CKAP5: variants seen among roughly 807,000 people sequenced by gnomAD.
CKAP5 encodes cytoskeleton-associated protein 5.
A neutral mutation model predicts 232.8 loss-of-function variants in CKAP5; 27 were observed. That is an observed-to-expected ratio of 0.12 (90% CI 0.09 to 0.16). The LOEUF is 0.16. Among genes scored for constraint, CKAP5 ranks in the 10% least tolerant of loss-of-function variants. CKAP5 has a pLI of 1.00. For missense variants in CKAP5, 1,838 were observed against 2,424.7 expected, an observed-to-expected ratio of 0.76 and a Z score of 5.08; for synonymous variants, 785 against 841.1, an observed-to-expected ratio of 0.93 and a Z score of 1.16.
At position 46,751,337 on chromosome 11, in the gene CKAP5, C is replaced by T; in HGVS notation, c.5322+9G>A. On this transcript the variant is annotated intron_variant, in intron 39 of 43. Coordinates refer to ENST00000529230, the MANE Select transcript of CKAP5 (RefSeq NM_001008938.4). ...GCTCCCTCAGAGACCAGTTGCGATT[C>T]TTACTCACCTTGGGCCCTTTTAATT... 1.2e-6 allele frequency: 2 copies of T among 1,613,800 alleles called. No individual in the cohort carries two copies. Among genetic ancestry groups the T allele is most frequent in the Non-Finnish European group, 1.7e-6 (2 of 1,179,786 alleles).
intron 4 of CKAP5, among the ~76,000 whole-genome samples, chr11:46,815,369 A>G (rs569755813): frequency 6.6e-6 from 1 of 152,214 alleles, no homozygotes; most frequent in East Asian, 1.9e-4. Context: ...TTTTTTAAAG[A>G]GACAGGGTCT....
At chr11:46,835,095 CTTCT>C (rs753680166) in intron 1 of CKAP5, among the ~76,000 whole-genome samples, 10 of 152,020 alleles carry the variant, frequency 6.6e-5, no homozygotes, top group African/African-American at 1.9e-4. Flanking sequence ...GTAGCAGTGC[CTTCT>C]TTCTAATTTA....
intron 1 of CKAP5, among the ~76,000 whole-genome samples, chr11:46,843,728 G>T (rs1268695629): frequency 9.3e-6 from 1 of 107,548 alleles, no homozygotes; most frequent in Non-Finnish European, 1.9e-5. Context: ...AGATCTGATT[G>T]AAAAAAAAAA....
At chr11:46,756,052 G>C (rs1391009848) in intron 35 of CKAP5, among the ~76,000 whole-genome samples, 1 of 152,198 alleles carries the variant, frequency 6.6e-6, no homozygotes. Flanking sequence ...GGCTCAGAAA[G>C]ATCAGACTAC....
At chr11:46,830,934 G>A (rs1183175331) in intron 1 of CKAP5, among the ~76,000 whole-genome samples, 3 of 151,602 alleles carry the variant, frequency 2.0e-5, no homozygotes, top group Non-Finnish European at 4.4e-5. Context: ...GCATGGTGGC[G>A]GGTGCCTGTA....
At chr11:46,830,435 C>G (rs564604809) in intron 1 of CKAP5, among the ~76,000 whole-genome samples, 13 of 91,540 alleles carry the variant, frequency 1.4e-4, no homozygotes, top group African/African-American at 5.5e-4. Context: ...AGCAAGACTC[C>G]GTCTCAAAAA....
intron 1 of CKAP5, among the ~76,000 whole-genome samples, chr11:46,829,838 A>T (rs186022778): frequency 7.0e-6 from 1 of 143,032 alleles, no homozygotes. Flanking sequence ...CCTTTTTTGT[A>T]TGTGTGTGTG....
chr11:46,786,272 C>A (rs1279198369), intron 16 of CKAP5, among the ~76,000 whole-genome samples: 1 of 152,200 alleles, frequency 6.6e-6, no homozygotes, highest in African/African-American at 2.4e-5. Flanking sequence ...CTCCCCTTTT[C>A]TTCCAGCTCC....
At chr11:46,772,076 C>T (rs1453930012) in intron 24 of CKAP5, among the ~76,000 whole-genome samples, 1 of 149,738 alleles carries the variant, frequency 6.7e-6, no homozygotes, top group African/African-American at 2.5e-5. Context: ...TCTTGTCACC[C>T]AGGCTGGAGT....
intron 1 of CKAP5, among the ~76,000 whole-genome samples, chr11:46,841,672 C>T (rs1940057148): frequency 6.6e-6 from 1 of 152,126 alleles, no homozygotes. Context: ...AGTTGGTTCA[C>T]AGGATGCACA....
At chr11:46,775,311 T>C (rs1256263599) in intron 24 of CKAP5, among the ~76,000 whole-genome samples, 1 of 151,902 alleles carries the variant, frequency 6.6e-6, no homozygotes, top group Non-Finnish European at 1.5e-5. Flanking sequence ...AGAATGGCGA[T>C]CATTAAAACA....
rs549140415 is a variant in CKAP5 at position 46,774,428 on chromosome 11, G to A, written c.2991+1827C>T. 8.5e-5 allele frequency among the ~76,000 whole-genome samples: 13 copies of A among 152,300 alleles called. No individual in the cohort carries two copies. In the South Asian group the frequency reaches 2.5e-3, roughly 29 times the overall value. ...GCCATACTGCCTGAAGTAATTTATA[G>A]ATTCAGTGCTATTCCCATCAAGCTA... is the stretch of plus-strand genomic sequence containing the variant. On this transcript the variant is annotated intron_variant, in intron 24 of 43. Coordinates refer to ENST00000529230, the MANE Select transcript of CKAP5 (RefSeq NM_001008938.4).
intron 16 of CKAP5, among the ~76,000 whole-genome samples, chr11:46,788,402 G>A (rs1208146695): frequency 2.0e-5 from 3 of 152,022 alleles, no homozygotes; most frequent in South Asian, 4.1e-4. Context: ...TAGAGAAACC[G>A]CGTCTCTACT....
intron 1 of CKAP5, among the ~76,000 whole-genome samples, chr11:46,838,162 T>C (rs1194860879): frequency 6.6e-6 from 1 of 152,156 alleles, no homozygotes; most frequent in Non-Finnish European, 1.5e-5. Flanking sequence ...GAGAAAAACA[T>C]CAGACAAATT....
At chr11:46,815,713 A>G (rs1053260491) in intron 4 of CKAP5, among the ~76,000 whole-genome samples, 2 of 152,238 alleles carry the variant, frequency 1.3e-5, no homozygotes, top group African/African-American at 4.8e-5. Flanking sequence ...AGTCAACATG[A>G]AGTGCCACAC....
chr11:46,826,470 G>A (rs1421719706), intron 1 of CKAP5, among the ~76,000 whole-genome samples: 1 of 152,144 alleles, frequency 6.6e-6, no homozygotes, highest in African/African-American at 2.4e-5. Flanking sequence ...GCTCAAATGG[G>A]TTATACTCTG....
chr11:46,781,442 T>TA (rs1364266629), intron 18 of CKAP5, among the ~76,000 whole-genome samples: 1 of 151,734 alleles, frequency 6.6e-6, no homozygotes, highest in Non-Finnish European at 1.5e-5. Context: ...CAAAAGCCCC[T>TA]AATGCCTTCC....
intron 1 of CKAP5, among the ~76,000 whole-genome samples, chr11:46,829,703 G>A (rs1056832125): frequency 6.6e-6 from 1 of 152,164 alleles, no homozygotes; most frequent in African/African-American, 2.4e-5. Context: ...AAAATTATAT[G>A]TGAAGTTCCC....
chr11:46,768,867 AG>A (rs1274937943), intron 26 of CKAP5, among the ~76,000 whole-genome samples: 1 of 152,186 alleles, frequency 6.6e-6, no homozygotes, highest in African/African-American at 2.4e-5. Flanking sequence ...TTGTTTAAGC[AG>A]TAAGTCTAAA....
Sources: gnomAD v4.1 joint callset for allele counts (sites outside exome capture counted in the v4.1 genomes callset) on GRCh38, gnomAD v4.1.1 for gene constraint, MANE v1.5 for transcripts, NCBI Gene and HGNC (gene_info 2026-07-23, HGNC 2026-07-21) for gene names.